SCARB1: variants seen among roughly 807,000 people sequenced by gnomAD.
The protein encoded by SCARB1 is CD36 and LIMPII analogous 1.
In SCARB1, 30 loss-of-function variants were observed where a neutral mutation model predicts 57.2. The observed-to-expected ratio is 0.52, with a 90% confidence interval of 0.39 to 0.71. SCARB1 has a LOEUF of 0.71. Ranked by LOEUF, SCARB1 falls within the 30% of genes least tolerant of loss-of-function variation. The probability of loss-of-function intolerance (pLI) is 0.00; values close to 1 mark genes in which losing one functional copy is unlikely to be tolerated. For missense variants in SCARB1, 543 were observed against 671.2 expected, an observed-to-expected ratio of 0.81 and a Z score of 2.11; for synonymous variants, 249 against 268.3, an observed-to-expected ratio of 0.93 and a Z score of 0.70.
chr12:124,783,131 G>T lies in SCARB1; in HGVS notation c.1402-320C>A, dbSNP rs1457704328. 7 of 334,612 alleles carry T rather than the reference G, an allele frequency of 2.1e-5. No homozygotes were observed. In the East Asian group the frequency reaches 4.5e-4, roughly 21 times the overall value. 20.7% of individuals were successfully genotyped at this position (334,612 alleles called of 1,614,324 possible). A position where few individuals can be genotyped will look rare whatever the true frequency, so the allele number is the denominator to read the frequency against. On this transcript the variant is annotated intron_variant, in intron 11 of 12. Transcript: ENST00000261693. Reference sequence around the variant, plus strand: ...ACCGACAACCAGTGGACTTAGCTGGGGGGCTGTTTAAAATCAACGAGGAAC... The same window carrying T: ...ACCGACAACCAGTGGACTTAGCTGGTGGGCTGTTTAAAATCAACGAGGAAC...
intron 1 of SCARB1, among the ~76,000 whole-genome samples, chr12:124,851,608 ATT>A (rs5801574): frequency 5.9e-4 from 75 of 128,034 alleles, no homozygotes; most frequent in African/African-American, 1.5e-3. Flanking sequence ...AAAGGATTCC[ATT>A]TTTTTTTTTT....
chr12:124,783,421 T>C (rs1406583296), intron 11 of SCARB1: 1 of 152,646 alleles, frequency 6.6e-6, no homozygotes, highest in Non-Finnish European at 1.5e-5. Flanking sequence ...TTAAAATATG[T>C]TGAGTTTACC....
At chr12:124,853,092 T>C (rs1362905409) in intron 1 of SCARB1, among the ~76,000 whole-genome samples, 1 of 152,132 alleles carries the variant, frequency 6.6e-6, no homozygotes, top group Non-Finnish European at 1.5e-5. Flanking sequence ...ACGGGGTGTC[T>C]TCTTCAAAAG....
At chr12:124,815,359 G>A (rs1302563823) in intron 2 of SCARB1, among the ~76,000 whole-genome samples, 4 of 152,256 alleles carry the variant, frequency 2.6e-5, no homozygotes, top group South Asian at 2.1e-4. Context: ...CACGGCCATC[G>A]TCTCTCCATC....
At chr12:124,781,807 A>AC (rs1339122687) in intron 12 of SCARB1, among the ~76,000 whole-genome samples, 1 of 151,226 alleles carries the variant, frequency 6.6e-6, no homozygotes, top group Non-Finnish European at 1.5e-5. Flanking sequence ...TGGCAATCCT[A>AC]CCCTCAGATC....
Position 124,800,311 on chromosome 12 carries a change from T to A in SCARB1, c.1010-69A>T. 8.3e-7 allele frequency: 1 copy of A among 1,208,902 alleles called. No homozygotes were observed. Among genetic ancestry groups the A allele is most frequent in the Non-Finnish European group, 1.2e-6 (1 of 821,384 alleles). 74.9% of individuals were successfully genotyped at this position (1,208,902 alleles called of 1,614,324 possible). On this transcript the variant is annotated intron_variant, in intron 7 of 12. Coordinates refer to ENST00000261693, the MANE Select transcript of SCARB1 (RefSeq NM_005505.5). The surrounding 1 kb of genome is among the most constrained non-coding windows in gnomAD (Gnocchi z 4.8). Reference sequence around the variant, plus strand: ...TTGGCAGGTCCTGCCAGGCCGGAGGTCTGCACAGAGCTGTGGTCTGCAGGG... The same window carrying A: ...TTGGCAGGTCCTGCCAGGCCGGAGGACTGCACAGAGCTGTGGTCTGCAGGG...
Position 124,807,791 on chromosome 12 carries a change from C to T in SCARB1, c.979G>A (p.Gly327Arg). 1 of 1,614,188 alleles carries T rather than the reference C, an allele frequency of 6.2e-7. No homozygotes were observed. Among genetic ancestry groups the T allele is most frequent in the East Asian group, 2.2e-5 (1 of 44,884 alleles). ...NEGFCPCLES[G>R]IQNVSTCRFS... ...CTGCAGGTGCTGACGTTCTGAATTC[C>T]AGACTCCAGGCACGGGCAGAAGCCT... is the stretch of plus-strand genomic sequence containing the variant. The change falls in exon 7 of 13, where the codon GGA becomes AGA. Residue 327 changes from glycine to arginine, a missense_variant. By Grantham distance (125) the Gly-to-Arg change is moderately radical (BLOSUM62 -2). Transcript: ENST00000261693. This position sits in a 1 kb window ranked among gnomAD's most constrained non-coding sequence, Gnocchi z 5.3.
intron 9 of SCARB1, among the ~76,000 whole-genome samples, chr12:124,794,397 A>ATTTTTTTTTT (rs1242276585): frequency 8.8e-6 from 1 of 113,956 alleles, no homozygotes; most frequent in African/African-American, 3.7e-5. Context: ...TGCTTGAAAA[A>ATTTTTTTTTT]TTCTTTTTTT....
chr12:124,839,008 C>T (rs1289390404), intron 1 of SCARB1, among the ~76,000 whole-genome samples: 1 of 151,978 alleles, frequency 6.6e-6, no homozygotes, highest in African/African-American at 2.4e-5. Context: ...CTCCTGACCT[C>T]GTGATCCACC....
Position 124,810,275 on chromosome 12 carries a change from A to G in SCARB1, c.741T>C (p.His247=). ...WNGLSKVDFW[H]SDQCNMINGT... Reference sequence around the variant, plus strand: ...CATTGATCATGTTGCACTGATCGGAATGCCAGAAGTCAACCTGGGGGGAAG... The same window carrying G: ...CATTGATCATGTTGCACTGATCGGAGTGCCAGAAGTCAACCTGGGGGGAAG... The change falls in exon 6 of 13, where the codon CAT becomes CAC. Residue 247 remains histidine (H), a synonymous_variant. Coordinates refer to ENST00000261693, the MANE Select transcript of SCARB1 (RefSeq NM_005505.5). The surrounding 1 kb of genome is among the most constrained non-coding windows in gnomAD (Gnocchi z 4.0). The G allele has an allele frequency of 1.2e-6, 2 of 1,613,538 alleles. No individual in the cohort carries two copies. The highest frequency in any genetic ancestry group is 1.7e-5 in the Admixed American group (1 of 60,010).
At chr12:124,839,338 G>A (rs1039227542) in intron 1 of SCARB1, 8 of 443,560 alleles carry the variant, frequency 1.8e-5, no homozygotes, top group Non-Finnish European at 3.6e-5. Context: ...TATTTCACTC[G>A]CATAACTTCC....
At chr12:124,836,179 A>G (rs1339452570) in intron 1 of SCARB1, among the ~76,000 whole-genome samples, 1 of 152,154 alleles carries the variant, frequency 6.6e-6, no homozygotes, top group Non-Finnish European at 1.5e-5. Context: ...CGCAATTCAC[A>G]AGTGACTCAG....
At chr12:124,853,298 G>T (rs972456212) in intron 1 of SCARB1, among the ~76,000 whole-genome samples, 3 of 152,130 alleles carry the variant, frequency 2.0e-5, no homozygotes, top group Non-Finnish European at 4.4e-5. Flanking sequence ...GTTGAGATGG[G>T]CAGGGCCCAC....
chr12:124,827,804 C>A (rs897047509), intron 1 of SCARB1, among the ~76,000 whole-genome samples: 6 of 152,160 alleles, frequency 3.9e-5, no homozygotes, highest in Non-Finnish European at 5.9e-5. Flanking sequence ...CCTGACCTCC[C>A]GACCTGCCGT....
At chr12:124,819,416 T>C (rs1015996172) in intron 1 of SCARB1, among the ~76,000 whole-genome samples, 2 of 152,196 alleles carry the variant, frequency 1.3e-5, no homozygotes, top group Non-Finnish European at 2.9e-5. Flanking sequence ...GATTTAAAAA[T>C]GTTGCAAAAA....
intron 7 of SCARB1, among the ~76,000 whole-genome samples, chr12:124,804,795 GC>G (rs1950265985): frequency 6.6e-6 from 1 of 152,224 alleles, no homozygotes; most frequent in Non-Finnish European, 1.5e-5. Context: ...GCCATTGCCA[GC>G]TGGAGGACGG....
intron 2 of SCARB1, among the ~76,000 whole-genome samples, chr12:124,816,508 G>A (rs560625334): frequency 6.6e-6 from 1 of 152,322 alleles, no homozygotes; most frequent in South Asian, 2.1e-4. Context: ...GCTGATTCAT[G>A]TTTCCCATTC....
chr12:124,851,807 A>C lies in SCARB1; in HGVS notation c.126+11788T>G, dbSNP rs181355331. Among the ~76,000 whole-genome samples, 11 of 152,080 alleles carry C rather than the reference A, an allele frequency of 7.2e-5. No individual in the cohort carries two copies. In the East Asian group the frequency reaches 2.1e-3, roughly 29 times the overall value. On this transcript the variant is annotated intron_variant, in intron 1 of 12. Transcript: ENST00000261693. Reference sequence around the variant, plus strand: ...TTTTTAGTAGAGATGGGGTTTCACCATGTTGGCCAGGCTGGTCTCGAACTC... The same window carrying C: ...TTTTTAGTAGAGATGGGGTTTCACCCTGTTGGCCAGGCTGGTCTCGAACTC...
Position 124,815,093 on chromosome 12 carries a change from G to A in SCARB1, c.306C>T (p.Asn102=). The part of the protein sequence containing the change: ...YVYREFRHKS[N]ITFNNNDTVS... ...CGGTGTCGTTGTTGTTGAAGGTGAT[G>A]TTGCTTTTGTGCCTGAACTCCCTGT... The change falls in exon 3 of 13, where the codon AAC becomes AAT. Residue 102 remains asparagine, a synonymous_variant. Coordinates refer to ENST00000261693, the MANE Select transcript of SCARB1 (RefSeq NM_005505.5). 1.2e-6 allele frequency: 2 copies of A among 1,613,922 alleles called. No individual in the cohort carries two copies. Among genetic ancestry groups the A allele is most frequent in the Non-Finnish European group, 1.7e-6 (2 of 1,180,030 alleles).
Sources: allele counts gnomAD v4.1 joint callset (sites outside exome capture counted in the v4.1 genomes callset), GRCh38; gene constraint gnomAD v4.1.1; non-coding constraint Gnocchi (gnomAD v3.1); transcripts MANE v1.5; gene names NCBI Gene and HGNC (gene_info 2026-07-23, HGNC 2026-07-21).